The following LPA variants were observed in gnomAD, a reference collection of about 807,000 sequenced individuals.
LPA encodes the protein apolipoprotein(a).
Under a neutral mutation model 197.9 loss-of-function variants are expected in LPA, and 199 were observed. The ratio of observed to expected loss-of-function variants is 1.01; its 90% confidence interval spans 0.90 to 1.13. LPA has a LOEUF of 1.13. LPA is among the 50% of genes most tolerant of loss of function. The pLI is 0.00. For missense variants in LPA, 1,853 were observed against 1,785.8 expected, an observed-to-expected ratio of 1.04 and a Z score of -0.68; for synonymous variants, 715 against 639.5, an observed-to-expected ratio of 1.12 and a Z score of -1.78.
chr6:160,570,112 T>A (rs1166617541), intron 28 of LPA, among the ~76,000 whole-genome samples: 1 of 152,240 alleles, frequency 6.6e-6, no homozygotes, highest in African/African-American at 2.4e-5. Flanking sequence ...AAATACCATT[T>A]GACACAGCCA....
At chr6:160,545,827 T>C (rs1007089493) in intron 32 of LPA, among the ~76,000 whole-genome samples, 3 of 152,104 alleles carry the variant, frequency 2.0e-5, no homozygotes, top group Non-Finnish European at 4.4e-5. Context: ...GTCTTAGAGC[T>C]AGAGCCTCAG....
chr6:160,571,543 C>A (rs1778561555), intron 28 of LPA, among the ~76,000 whole-genome samples: 2 of 152,190 alleles, frequency 1.3e-5, no homozygotes, highest in Non-Finnish European at 2.9e-5. Flanking sequence ...CTGACTGGGG[C>A]TGCTGCCTTT....
Position 160,585,220 on chromosome 6 carries a change from GAA to G in LPA, c.4130-17_4130-16del. On this transcript the variant is annotated splice_polypyrimidine_tract_variant and intron_variant, in intron 25 of 38. Transcript: ENST00000316300. ...TTCAGTTGGTGCTGAAATTAAAAGAGAAAATCAAGCTCAGTATTGCCTAGAAA... is the reference window on the plus strand; with the variant it reads ...TTCAGTTGGTGCTGAAATTAAAAGAGAATCAAGCTCAGTATTGCCTAGAAA... 6.2e-7 allele frequency: 1 copy of G among 1,613,470 alleles called. No individual in the cohort carries two copies. The highest frequency in any genetic ancestry group is 8.5e-7 in the Non-Finnish European group (1 of 1,179,616).
intron 20 of LPA, among the ~76,000 whole-genome samples, chr6:160,597,272 A>T (rs1242572730): frequency 4.6e-5 from 7 of 152,254 alleles, no homozygotes; most frequent in African/African-American, 1.4e-4. Flanking sequence ...TGAGAGAATC[A>T]AGGAAATCTC....
chr6:160,600,261 T>G (rs1255637535), intron 19 of LPA, among the ~76,000 whole-genome samples: 1 of 152,148 alleles, frequency 6.6e-6, no homozygotes, highest in Non-Finnish European at 1.5e-5. Context: ...CCCAGCATAA[T>G]GCATTGCAAT....
At chr6:160,589,450 T>A in intron 24 of LPA, 103 bp downstream of exon 24, 1 of 1,350,320 alleles carries the variant, frequency 7.4e-7, no homozygotes. Context: ...ACATTCTGGG[T>A]CTGAGAGAAA....
intron 1 of LPA, among the ~76,000 whole-genome samples, chr6:160,652,564 G>T (rs968348545): frequency 6.6e-6 from 1 of 152,114 alleles, no homozygotes; most frequent in Non-Finnish European, 1.5e-5. Flanking sequence ...TTCACAGAAA[G>T]AATGTGACTC....
At chr6:160,552,038 G>C (rs544951194) in intron 30 of LPA, among the ~76,000 whole-genome samples, 3 of 150,742 alleles carry the variant, frequency 2.0e-5, no homozygotes, top group African/African-American at 7.3e-5. Context: ...TCAGCATTCC[G>C]AGTAGCTGAA....
chr6:160,564,522 G>C (rs1268885287), intron 28 of LPA, among the ~76,000 whole-genome samples: 35 of 152,154 alleles, frequency 2.3e-4, no homozygotes, highest in Admixed American at 2.3e-3. Flanking sequence ...GTGATCGTGA[G>C]AGAGGGGAGG....
chr6:160,547,939 T>A lies in LPA; in HGVS notation c.5156-2A>T, dbSNP rs1489234501. ...CTTTCCCATTCCCAAACATACAGTCTGTAGAAAAAAATAAAAATAAAACAG... is the reference window on the plus strand; with the variant it reads ...CTTTCCCATTCCCAAACATACAGTCAGTAGAAAAAAATAAAAATAAAACAG... On this transcript the variant is annotated splice_acceptor_variant, in intron 31 of 38. Coordinates refer to ENST00000316300, the MANE Select transcript of LPA (RefSeq NM_005577.4). LOFTEE classifies it high-confidence loss of function. 6.2e-7 allele frequency: 1 copy of A among 1,613,638 alleles called. No homozygotes were observed. The highest frequency in any genetic ancestry group is 2.2e-5 in the East Asian group (1 of 44,850).
At chr6:160,549,385 C>T (rs139024235) in intron 30 of LPA, among the ~76,000 whole-genome samples, 1 of 152,288 alleles carries the variant, frequency 6.6e-6, no homozygotes, top group African/African-American at 2.4e-5. Context: ...AACCGGTATA[C>T]GGATTTTGAT....
At chr6:160,595,329 G>T (rs748524271) in intron 21 of LPA, 25 bp downstream of exon 21, 10 of 1,610,364 alleles carry the variant, frequency 6.2e-6, no homozygotes, top group Admixed American at 1.7e-5. Flanking sequence ...CCTAGGGTGT[G>T]GTTGTCTGGC....
At chr6:160,651,191 A>G (rs993714108) in intron 1 of LPA, among the ~76,000 whole-genome samples, 8 of 152,214 alleles carry the variant, frequency 5.3e-5, no homozygotes, top group Non-Finnish European at 7.3e-5. Context: ...AGCCCTGCAG[A>G]ACCTGACTAA....
In LPA at chr6:160,537,839, A is replaced by G. The variant is rs1204586980; in HGVS notation, c.5842+16T>C. On this transcript the variant is annotated intron_variant, in intron 37 of 38. Coordinates refer to ENST00000316300, the MANE Select transcript of LPA (RefSeq NM_005577.4). ...TCAAAAACAATTTGTTACGTGGGCA[A>G]TGGAATTGATCTCACCTTGGGTTTC... 6.8e-5 allele frequency: 110 copies of G among 1,609,082 alleles called. No homozygotes were observed. The highest frequency in any genetic ancestry group is 9.3e-5 in the Non-Finnish European group (109 of 1,175,582).
chr6:160,647,050 G>T (rs1411024430), intron 2 of LPA, among the ~76,000 whole-genome samples: 2 of 152,172 alleles, frequency 1.3e-5, no homozygotes, highest in South Asian at 2.1e-4. Flanking sequence ...TCTCAAAGCT[G>T]CCCTGGAAAA....
At chr6:160,579,344 C>A (rs1364651636) in intron 26 of LPA, among the ~76,000 whole-genome samples, 1 of 152,082 alleles carries the variant, frequency 6.6e-6, no homozygotes, top group African/African-American at 2.4e-5. Flanking sequence ...ATAAAAGCTT[C>A]CCTGGAAAAC....
At chr6:160,651,883 A>G (rs1780012089) in intron 1 of LPA, among the ~76,000 whole-genome samples, 1 of 152,198 alleles carries the variant, frequency 6.6e-6, no homozygotes, top group Non-Finnish European at 1.5e-5. Context: ...GAGATTTATA[A>G]TATCAGAGAT....
chr6:160,576,800 C>G (rs576527888), intron 28 of LPA, among the ~76,000 whole-genome samples: 1 of 148,880 alleles, frequency 6.7e-6, no homozygotes, highest in East Asian at 2.0e-4. Flanking sequence ...TTTAGAATGA[C>G]AGAATTGCAC....
At chr6:160,610,879 G>A (rs900824519) in intron 16 of LPA, among the ~76,000 whole-genome samples, 1 of 152,264 alleles carries the variant, frequency 6.6e-6, no homozygotes, top group East Asian at 1.9e-4. Flanking sequence ...TGTCCCACAT[G>A]TAGAAACCAT....
Sources: gnomAD v4.1 joint callset for allele counts (sites outside exome capture counted in the v4.1 genomes callset) on GRCh38, gnomAD v4.1.1 for gene constraint, MANE v1.5 for transcripts, NCBI Gene and HGNC (gene_info 2026-07-23, HGNC 2026-07-21) for gene names.